PDE4D: variants seen among roughly 807,000 people sequenced by gnomAD.
PDE4D encodes 3',5'-cyclic-AMP phosphodiesterase 4D.
PDE4D carries 24 observed loss-of-function variants against 87.4 expected under a neutral mutation model. That is an observed-to-expected ratio of 0.27 (90% CI 0.20 to 0.39). PDE4D has a LOEUF of 0.39. Among genes scored for constraint, PDE4D ranks in the 10% least tolerant of loss-of-function variants. The pLI is 1.00. For synonymous variants in PDE4D, 384 were observed against 383.2 expected (o/e 1.00, Z -0.02); for missense variants, 714 against 1,041.0 (o/e 0.69, Z 4.32).
chr5:60,369,064 T>A (rs1366147445), intron 1 of PDE4D, among the ~76,000 whole-genome samples: 1 of 151,992 alleles, frequency 6.6e-6, no homozygotes, highest in Admixed American at 6.6e-5. Context: ...CCTTCTCTCC[T>A]CTGTGTTCTG....
At chr5:59,890,254 T>TACAC (rs56258601) in intron 1 of PDE4D, among the ~76,000 whole-genome samples, 7,884 of 145,348 alleles carry the variant, frequency 0.054, 258 homozygotes, top group African/African-American at 0.089. Flanking sequence ...GGTGCGCACG[T>TACAC]ACACACACAC....
chr5:59,852,284 G>T (rs371971287), intron 1 of PDE4D, among the ~76,000 whole-genome samples: 1 of 152,024 alleles, frequency 6.6e-6, no homozygotes, highest in East Asian at 1.9e-4. Context: ...CTCACATTGC[G>T]TAGGGCTGAC....
At chr5:59,890,513 G>A (rs1488586261) in intron 1 of PDE4D, among the ~76,000 whole-genome samples, 3 of 152,158 alleles carry the variant, frequency 2.0e-5, no homozygotes, top group Non-Finnish European at 2.9e-5. Context: ...TGTGATATAT[G>A]TCATTTTGTT....
chr5:59,495,820 G>A (rs1248797707), intron 1 of PDE4D, among the ~76,000 whole-genome samples: 1 of 152,174 alleles, frequency 6.6e-6, no homozygotes, highest in Non-Finnish European at 1.5e-5. Flanking sequence ...ACCTCTAGGG[G>A]AGCATGCAGG....
intron 2 of PDE4D, among the ~76,000 whole-genome samples, chr5:60,126,324 T>A (rs1779120665): frequency 2.0e-5 from 3 of 152,120 alleles, no homozygotes; most frequent in Admixed American, 2.0e-4. Flanking sequence ...ACTCTAAATA[T>A]CAAGCAGAAA....
At chr5:59,144,491 A>T (rs1778335821) in intron 5 of PDE4D, among the ~76,000 whole-genome samples, 1 of 152,202 alleles carries the variant, frequency 6.6e-6, no homozygotes, top group African/African-American at 2.4e-5. Context: ...AAAATAAATA[A>T]ATAATACTCA....
At chr5:59,347,828 T>C (rs552081181) in intron 1 of PDE4D, among the ~76,000 whole-genome samples, 1 of 152,290 alleles carries the variant, frequency 6.6e-6, no homozygotes, top group Non-Finnish European at 1.5e-5. Flanking sequence ...TCAATATTTA[T>C]ATGGTTCCAT....
chr5:60,193,224 G>A (rs1785337883), intron 1 of PDE4D, among the ~76,000 whole-genome samples: 1 of 151,956 alleles, frequency 6.6e-6, no homozygotes, highest in Non-Finnish European at 1.5e-5. Flanking sequence ...GCTAGTTTCC[G>A]GGAATGCAAA....
intron 1 of PDE4D, among the ~76,000 whole-genome samples, chr5:60,316,726 T>G (rs538105494): frequency 6.6e-6 from 1 of 152,318 alleles, no homozygotes; most frequent in South Asian, 2.1e-4. Context: ...AAAGGCCTTT[T>G]CTGCATCTAT....
intron 1 of PDE4D, among the ~76,000 whole-genome samples, chr5:59,809,446 C>T (rs1768094668): frequency 6.6e-6 from 1 of 151,978 alleles, no homozygotes; most frequent in African/African-American, 2.4e-5. Flanking sequence ...ACAAATTTCC[C>T]AATAAAGAAG....
intron 5 of PDE4D, among the ~76,000 whole-genome samples, chr5:59,122,639 C>T (rs1445505440): frequency 3.9e-5 from 6 of 152,242 alleles, no homozygotes; most frequent in African/African-American, 1.4e-4. Context: ...TCACATGAAC[C>T]CCATAAATAT....
intron 1 of PDE4D, among the ~76,000 whole-genome samples, chr5:60,221,684 T>C (rs1382924298): frequency 6.6e-6 from 1 of 152,200 alleles, no homozygotes; most frequent in Admixed American, 6.5e-5. Flanking sequence ...TGTTCTAGGA[T>C]TGCATACAAG....
At chr5:59,790,222 A>G (rs956778499) in intron 1 of PDE4D, among the ~76,000 whole-genome samples, 16 of 152,232 alleles carry the variant, frequency 1.1e-4, no homozygotes, top group African/African-American at 3.9e-4. Context: ...ACAACTGAAC[A>G]CAGCAAAATA....
At chr5:59,648,869 T>C (rs1031259278) in intron 1 of PDE4D, among the ~76,000 whole-genome samples, 2 of 152,174 alleles carry the variant, frequency 1.3e-5, no homozygotes, top group African/African-American at 4.8e-5. Flanking sequence ...AAACAATTCA[T>C]TACAAAGAAT....
chr5:59,181,543 G>GGTATATATATATATATATATAT (rs1554090341), intron 4 of PDE4D, among the ~76,000 whole-genome samples: 1 of 118,944 alleles, frequency 8.4e-6, no homozygotes, highest in African/African-American at 3.8e-5. Context: ...AAAGATGTCT[G>GGTATATATATATATATATATAT]ATATATATAT....
chr5:59,967,147 C>T (rs1048795620), intron 3 of PDE4D, among the ~76,000 whole-genome samples: 2 of 152,070 alleles, frequency 1.3e-5, no homozygotes, highest in Non-Finnish European at 2.9e-5. Context: ...TCGGAGTCAG[C>T]TTATGTCACT....
intron 2 of PDE4D, among the ~76,000 whole-genome samples, chr5:60,135,866 C>G (rs1323620129): frequency 6.6e-6 from 1 of 152,154 alleles, no homozygotes; most frequent in African/African-American, 2.4e-5. Flanking sequence ...ATGAAAAGTA[C>G]TGCTCAAAAG....
chr5:60,488,909 A>G (rs1749360379), upstream of PDE4D, among the ~76,000 whole-genome samples: 1 of 152,190 alleles, frequency 6.6e-6, no homozygotes, highest in African/African-American at 2.4e-5. Flanking sequence ...TAGGAATCCT[A>G]AGAGAGAATC....
At chr5:60,264,964 A>G (rs1377305090) in intron 1 of PDE4D, among the ~76,000 whole-genome samples, 1 of 152,348 alleles carries the variant, frequency 6.6e-6, no homozygotes, top group East Asian at 1.9e-4. Flanking sequence ...GGATATCATG[A>G]TGAAAATTAC....
Sources: allele counts gnomAD v4.1 joint callset (sites outside exome capture counted in the v4.1 genomes callset), GRCh38; gene constraint gnomAD v4.1.1; transcripts MANE v1.5; gene names NCBI Gene and HGNC (gene_info 2026-07-23, HGNC 2026-07-21).